Variants in ODAD2 observed in about 807,000 individuals in gnomAD.
ODAD2 encodes the protein outer dynein arm-docking complex subunit 2.
A neutral mutation model predicts 106.8 loss-of-function variants in ODAD2; 89 were observed. That is an observed-to-expected ratio of 0.83 (90% CI 0.70 to 0.99). The LOEUF is 0.99. Ranked by LOEUF, ODAD2 falls within the 50% of genes least tolerant of loss-of-function variation. The pLI is 0.00. For synonymous variants in ODAD2, 404 were observed against 436.2 expected (o/e 0.93, Z 0.92); for missense variants, 1,168 against 1,238.5 (o/e 0.94, Z 0.85).
chr10:27,848,141 C>T (rs537305837), intron 19 of ODAD2, among the ~76,000 whole-genome samples: 30 of 152,096 alleles, frequency 2.0e-4, no homozygotes, highest in South Asian at 8.3e-4. Context: ...AGAACAAAGC[C>T]GGAGGCATCA....
At chr10:27,943,657 G>A (rs796127523) in intron 12 of ODAD2, among the ~76,000 whole-genome samples, 68 of 151,548 alleles carry the variant, frequency 4.5e-4, no homozygotes, top group African/African-American at 1.5e-3. Context: ...CTTGATGGCG[G>A]GCACCTGTAG....
intron 2 of ODAD2, among the ~76,000 whole-genome samples, chr10:27,990,558 C>G (rs1850165817): frequency 1.3e-5 from 2 of 152,150 alleles, no homozygotes; most frequent in African/African-American, 4.8e-5. Flanking sequence ...ACTAGCAGTC[C>G]TCAGGGACAA....
intron 2 of ODAD2, among the ~76,000 whole-genome samples, chr10:27,991,686 C>T (rs1188168380): frequency 1.7e-4 from 26 of 152,036 alleles, no homozygotes; most frequent in Admixed American, 1.7e-3. Context: ...GAACAAGAGG[C>T]CTGAGAGGTC....
chr10:27,964,698 T>A (rs1397375438), intron 9 of ODAD2, among the ~76,000 whole-genome samples: 1 of 152,194 alleles, frequency 6.6e-6, no homozygotes, highest in Non-Finnish European at 1.5e-5. Context: ...AAATCTGTGG[T>A]CTATGAGTAA....
intron 16 of ODAD2, among the ~76,000 whole-genome samples, chr10:27,921,561 T>A (rs1201178454): frequency 6.6e-6 from 1 of 151,906 alleles, no homozygotes; most frequent in African/African-American, 2.4e-5. Context: ...TTTGCTGGGA[T>A]TCCTGACAAC....
intron 10 of ODAD2, among the ~76,000 whole-genome samples, chr10:27,959,848 A>G (rs1417770855): frequency 6.6e-6 from 1 of 152,176 alleles, no homozygotes; most frequent in Non-Finnish European, 1.5e-5. Context: ...AAAATTTCAG[A>G]GGTTTTCTGT....
At chr10:27,986,792 T>C (rs1360481490) in intron 3 of ODAD2, among the ~76,000 whole-genome samples, 2 of 151,616 alleles carry the variant, frequency 1.3e-5, no homozygotes, top group African/African-American at 2.4e-5. Flanking sequence ...GATTAGATGA[T>C]AGTGTGAACA....
intron 14 of ODAD2, among the ~76,000 whole-genome samples, chr10:27,937,507 C>T (rs1004669123): frequency 6.6e-6 from 1 of 151,932 alleles, no homozygotes; most frequent in African/African-American, 2.4e-5. Flanking sequence ...ATCAATAGTA[C>T]CTGACATTTT....
At chr10:27,917,356 G>T (rs1343475609) in intron 16 of ODAD2, among the ~76,000 whole-genome samples, 3 of 152,044 alleles carry the variant, frequency 2.0e-5, no homozygotes, top group African/African-American at 7.2e-5. Context: ...TTATGTTTGT[G>T]GGATGAGGCT....
In ODAD2 at chr10:27,996,106, C is replaced by A. The variant is rs370080955; in HGVS notation, c.-38-926G>T. ...TAAATAAGAGCCAAGTTAGAAAGCA[C>A]GTTCTGACTTCATAATGAACATTTA... On this transcript the variant is annotated intron_variant, in intron 1 of 19. Transcript: ENST00000305242. Among the ~76,000 whole-genome samples, 14 of 152,310 alleles carry A rather than the reference C, an allele frequency of 9.2e-5. No individual in the cohort carries two copies. In the East Asian group the frequency reaches 2.3e-3, roughly 25 times the overall value.
intron 13 of ODAD2, among the ~76,000 whole-genome samples, chr10:27,940,335 TATAA>T (rs1846314446): frequency 6.6e-6 from 1 of 152,044 alleles, no homozygotes; most frequent in Non-Finnish European, 1.5e-5. Flanking sequence ...GTGAGATTTA[TATAA>T]ATGTCAGTAT....
intron 16 of ODAD2, among the ~76,000 whole-genome samples, chr10:27,913,518 C>A (rs1038797234): frequency 1.3e-5 from 2 of 152,066 alleles, no homozygotes; most frequent in Non-Finnish European, 2.9e-5. Context: ...TTCTGCACAG[C>A]AAAAGAAACT....
At chr10:27,882,913 G>A (rs1241777931) in intron 17 of ODAD2, among the ~76,000 whole-genome samples, 7 of 151,566 alleles carry the variant, frequency 4.6e-5, no homozygotes, top group Non-Finnish European at 7.4e-5. Context: ...TACAAAATCA[G>A]TGGCAATTAT....
chr10:27,952,104 A>G (rs1847381364), intron 10 of ODAD2, among the ~76,000 whole-genome samples: 1 of 150,604 alleles, frequency 6.6e-6, no homozygotes, highest in Non-Finnish European at 1.5e-5. Context: ...ACACACTAAC[A>G]GAAAATAAAT....
rs530007352 is a variant in ODAD2 at position 27,908,115 on chromosome 10, A to G, written c.2496-338T>C. On this transcript the variant is annotated intron_variant, in intron 16 of 19. Coordinates refer to ENST00000305242, the MANE Select transcript of ODAD2 (RefSeq NM_018076.5). The stretch of plus-strand genomic sequence containing the variant: ...TTCTTTCATATAGTAACATTTAAAT[A>G]CTTTCCAAAACAAATATTTATGCCT... 2.6e-5 allele frequency among the ~76,000 whole-genome samples: 4 copies of G among 152,284 alleles called. No homozygotes were observed. In the South Asian group the frequency reaches 6.2e-4, roughly 24 times the overall value.
intron 17 of ODAD2, among the ~76,000 whole-genome samples, chr10:27,870,799 GT>G (rs1447343782): frequency 9.2e-5 from 14 of 152,272 alleles, no homozygotes; most frequent in African/African-American, 3.4e-4. Context: ...ATTGTGAATA[GT>G]GCCACAATAA....
At position 27,862,490 on chromosome 10, in the gene ODAD2, A is replaced by T. The variant is rs1840118994; in HGVS notation, c.2743T>A (p.Leu915Ile). The T allele has an allele frequency of 6.2e-7, 1 of 1,612,540 alleles. No individual in the cohort carries two copies. Among genetic ancestry groups the T allele is most frequent in the Non-Finnish European group, 8.5e-7 (1 of 1,179,414 alleles). Residue 915 changes from leucine (L) to isoleucine (I), a missense_variant, in exon 18 of 20, where the codon TTA (leucine) becomes ATA (isoleucine). Leu to Ile is a conservative substitution (Grantham distance 5). Transcript: ENST00000305242. ...ITNIAKDQENLAVITDHGVVP... is the reference protein window; with the variant it reads ...ITNIAKDQENIAVITDHGVVP... Reference sequence around the variant, plus strand: ...ACTCCATGATCTGTGATAACAGCTAAATTTTCTTGATCTTTTGCTATGTTG... The same window carrying T: ...ACTCCATGATCTGTGATAACAGCTATATTTTCTTGATCTTTTGCTATGTTG...
chr10:27,912,499 T>G (rs1442227599), intron 16 of ODAD2, among the ~76,000 whole-genome samples: 3 of 152,168 alleles, frequency 2.0e-5, no homozygotes, highest in Non-Finnish European at 4.4e-5. Flanking sequence ...CTATGAAGTT[T>G]TGCTGGCTCG....
intron 2 of ODAD2, among the ~76,000 whole-genome samples, chr10:27,988,210 A>C (rs758178045): frequency 1.4e-4 from 22 of 152,000 alleles, no homozygotes; most frequent in Non-Finnish European, 3.1e-4. Flanking sequence ...AAAAATATTA[A>C]GATGTTTTCA....
Sources: allele counts gnomAD v4.1 joint callset (sites outside exome capture counted in the v4.1 genomes callset), GRCh38; gene constraint gnomAD v4.1.1; transcripts MANE v1.5; gene names NCBI Gene and HGNC (gene_info 2026-07-23, HGNC 2026-07-21).